Variants in GALNT18 observed in about 807,000 individuals in gnomAD.
GALNT18 encodes the protein polypeptide N-acetylgalactosaminyltransferase 18, also known as GalNAc-transferase 18.
Under a neutral mutation model 69.5 loss-of-function variants are expected in GALNT18, and 44 were observed. That is an observed-to-expected ratio of 0.63 (90% confidence interval 0.50 to 0.81). The LOEUF is 0.81. GALNT18 is among the 40% of genes least tolerant of loss of function. GALNT18 has a pLI of 0.00. For synonymous variants in GALNT18, 364 were observed against 318.2 expected (o/e 1.14, Z -1.53); for missense variants, 715 against 810.0 (o/e 0.88, Z 1.42).
rs1035973596 is a variant in GALNT18, at chr11:11,538,104, A to G, written c.235+83255T>C. On this transcript the variant is annotated intron_variant, in intron 1 of 10. Coordinates refer to ENST00000227756, the MANE Select transcript of GALNT18 (RefSeq NM_198516.3). The surrounding 1 kb of genome is among the most constrained non-coding windows in gnomAD (Gnocchi z 5.2). ...CTTATCACACCTCTGTGCTGGAGTTATCATCGACCTTGTTTTGCAGAGGGT... is the reference window on the plus strand; with the variant it reads ...CTTATCACACCTCTGTGCTGGAGTTGTCATCGACCTTGTTTTGCAGAGGGT... Among the ~76,000 whole-genome samples the G allele has an allele frequency of 2.0e-5, 3 of 152,216 alleles. No homozygotes were observed. Among genetic ancestry groups the G allele is most frequent in the African/African-American group, 7.2e-5 (3 of 41,454 alleles).
intron 6 of GALNT18, among the ~76,000 whole-genome samples, chr11:11,363,561 T>G (rs1388361466): frequency 6.6e-6 from 1 of 152,194 alleles, no homozygotes; most frequent in African/African-American, 2.4e-5. Flanking sequence ...ACCAGAAATT[T>G]TGTCATGAAA....
chr11:11,284,063 G>A (rs1849141549), intron 10 of GALNT18, among the ~76,000 whole-genome samples: 2 of 152,196 alleles, frequency 1.3e-5, no homozygotes, highest in African/African-American at 4.8e-5. Context: ...AAATGGCTGA[G>A]CCACTCTGGG....
intron 3 of GALNT18, among the ~76,000 whole-genome samples, chr11:11,426,551 A>C (rs1455082338): frequency 6.6e-6 from 1 of 152,244 alleles, no homozygotes; most frequent in Non-Finnish European, 1.5e-5. Flanking sequence ...GCACTATTCT[A>C]GGTGCTGGAG....
chr11:11,342,122 C>T (rs1035704460), intron 6 of GALNT18, among the ~76,000 whole-genome samples: 5 of 152,226 alleles, frequency 3.3e-5, no homozygotes, highest in South Asian at 2.1e-4. Flanking sequence ...ACTCACTGAT[C>T]GTGTATTCCT....
rs1854793801 is a variant in GALNT18, at chr11:11,413,973, T to C, written c.595+18648A>G. 6.6e-6 allele frequency among the ~76,000 whole-genome samples: 1 copy of C among 152,214 alleles called. No individual in the cohort carries two copies. The highest frequency in any genetic ancestry group is 2.1e-4 in the South Asian group (1 of 4,834). On this transcript the variant is annotated intron_variant, in intron 3 of 10. Coordinates refer to ENST00000227756, the MANE Select transcript of GALNT18 (RefSeq NM_198516.3). The surrounding 1 kb of genome is among the most constrained non-coding windows in gnomAD (Gnocchi z 4.7). ...TCACCAAACCTGTTCTTCCTCTAAT[T>C]CTGTCTGGCCCATCTTGCAAACTGC...
At chr11:11,440,372 C>A (rs1333449898) in intron 2 of GALNT18, among the ~76,000 whole-genome samples, 2 of 152,170 alleles carry the variant, frequency 1.3e-5, no homozygotes, top group East Asian at 3.9e-4. Context: ...GTTAGGGACA[C>A]TCTGTGTGGT....
intron 1 of GALNT18, among the ~76,000 whole-genome samples, chr11:11,483,125 T>C (rs1439473298): frequency 6.6e-6 from 1 of 152,132 alleles, no homozygotes; most frequent in Non-Finnish European, 1.5e-5. Flanking sequence ...TTCCCCTTGG[T>C]CCAATCTGAT....
In GALNT18 at chr11:11,605,103, T is replaced by G. The variant is rs1264528479; in HGVS notation, c.235+16256A>C. On this transcript the variant is annotated intron_variant, in intron 1 of 10. Transcript: ENST00000227756. This position sits in a 1 kb window ranked among gnomAD's most constrained non-coding sequence, Gnocchi z 4.7. ...AAGAAAAATCATAGTTGTCTGAGGC[T>G]CCGGCTAATGGGCTGTGCTGTCCCG... 6.6e-6 allele frequency among the ~76,000 whole-genome samples: 1 copy of G among 152,314 alleles called. No individual in the cohort carries two copies. Among genetic ancestry groups the G allele is most frequent in the South Asian group, 2.1e-4 (1 of 4,820 alleles).
intron 1 of GALNT18, among the ~76,000 whole-genome samples, chr11:11,508,744 C>A (rs1857116149): frequency 6.6e-6 from 1 of 152,190 alleles, no homozygotes; most frequent in African/African-American, 2.4e-5. Flanking sequence ...CCTATAGATG[C>A]ACTTACAGGA....
chr11:11,293,266 C>T, intron 9 of GALNT18, 73 bp from the exon 10 acceptor site: 1 of 1,243,292 alleles, frequency 8.0e-7, no homozygotes, highest in South Asian at 3.5e-5. Flanking sequence ...GGTGGTGATT[C>T]TTCCAGGCAG....
chr11:11,448,619 C>T, intron 2 of GALNT18, 125 bp downstream of exon 2: 1 of 697,444 alleles, frequency 1.4e-6, no homozygotes. Context: ...AGGGGACAGG[C>T]CCTGGCTGAA....
rs934762986 is a variant in GALNT18 at position 11,435,703 on chromosome 11, G to T, written c.429-2916C>A. On this transcript the variant is annotated intron_variant, in intron 2 of 10. Coordinates refer to ENST00000227756, the MANE Select transcript of GALNT18 (RefSeq NM_198516.3). This position sits in a 1 kb window ranked among gnomAD's most constrained non-coding sequence, Gnocchi z 4.4. Reference sequence around the variant, plus strand: ...CTAACAGCTTGCTTGTTTTATCTACGGCCTACATTTTGAGTGTCTGCCGCT... The same window carrying T: ...CTAACAGCTTGCTTGTTTTATCTACTGCCTACATTTTGAGTGTCTGCCGCT... 1.6e-4 allele frequency among the ~76,000 whole-genome samples: 25 copies of T among 151,964 alleles called. No homozygotes were observed. The highest frequency in any genetic ancestry group is 6.0e-4 in the African/African-American group (25 of 41,366).
intron 6 of GALNT18, among the ~76,000 whole-genome samples, chr11:11,346,627 A>G (rs1475226820): frequency 6.6e-6 from 1 of 152,214 alleles, no homozygotes; most frequent in Non-Finnish European, 1.5e-5. Context: ...AACTCACTGG[A>G]GAGAAAGGCT....
rs946666242 is a variant in GALNT18 at position 11,343,208 on chromosome 11, C to T, written c.1093-2204G>A. Among the ~76,000 whole-genome samples the T allele has an allele frequency of 5.9e-5, 9 of 151,808 alleles. No homozygotes were observed. The East Asian group carries it at 7.7e-4, about 13-fold the overall frequency. On this transcript the variant is annotated intron_variant, in intron 6 of 10. Coordinates refer to ENST00000227756, the MANE Select transcript of GALNT18 (RefSeq NM_198516.3). The stretch of plus-strand genomic sequence containing the variant: ...AAAATTTCAAAAAAAGTTACCCGGG[C>T]GTGGTGGCACGTGCCTGTAGTCCCA...
Position 11,385,485 on chromosome 11 carries a change from T to C in GALNT18, c.596-6221A>G, listed in dbSNP as rs545650069. 2.8e-4 allele frequency among the ~76,000 whole-genome samples: 43 copies of C among 152,120 alleles called. 1 individual carries two copies. In the East Asian group the frequency reaches 3.9e-3, roughly 14 times the overall value. ...TAATTTTTTGTATTTTTAGTAGAGA[T>C]GGGGTTTCACCATGTTAGCCAGGAT... On this transcript the variant is annotated intron_variant, in intron 3 of 10. Transcript: ENST00000227756.
intron 9 of GALNT18, among the ~76,000 whole-genome samples, chr11:11,325,861 C>A (rs1257332035): frequency 6.6e-6 from 1 of 151,996 alleles, no homozygotes; most frequent in Admixed American, 6.6e-5. Context: ...AACTCAGTCC[C>A]CAAAAAGGAC....
chr11:11,312,099 G>A (rs2133030351), intron 9 of GALNT18, among the ~76,000 whole-genome samples: 1 of 152,188 alleles, frequency 6.6e-6, no homozygotes, highest in East Asian at 1.9e-4. Flanking sequence ...TGGGACTACA[G>A]GTGCCTGCCA....
intron 3 of GALNT18, among the ~76,000 whole-genome samples, chr11:11,424,956 G>A (rs997883887): frequency 2.6e-5 from 4 of 152,166 alleles, no homozygotes; most frequent in South Asian, 2.1e-4. Context: ...TGGACAAAGC[G>A]ATGAGACTGC....
rs537142539 is a variant in GALNT18 at position 11,413,448 on chromosome 11, C to A, written c.595+19173G>T. Among the ~76,000 whole-genome samples, 2 of 152,196 alleles carry A rather than the reference C, an allele frequency of 1.3e-5. No homozygotes were observed. Among genetic ancestry groups the A allele is most frequent in the Admixed American group, 1.3e-4 (2 of 15,284 alleles). ...ATCAGGGATTTGATCATCCTACGGA[C>A]GATTCCTTATTCACGTTCATTCTTC... On this transcript the variant is annotated intron_variant, in intron 3 of 10. Coordinates refer to ENST00000227756, the MANE Select transcript of GALNT18 (RefSeq NM_198516.3). The surrounding 1 kb of genome is among the most constrained non-coding windows in gnomAD (Gnocchi z 4.7).
Sources: gnomAD v4.1 joint callset for allele counts (sites outside exome capture counted in the v4.1 genomes callset) on GRCh38, gnomAD v4.1.1 for gene constraint, Gnocchi (gnomAD v3.1) non-coding constraint, MANE v1.5 for transcripts, NCBI Gene and HGNC (gene_info 2026-07-23, HGNC 2026-07-21) for gene names.